ALK: variants seen among roughly 807,000 people sequenced by gnomAD.
The protein encoded by ALK is ALK tyrosine kinase receptor.
ALK carries 74 observed loss-of-function variants against 163.1 expected under a neutral mutation model. That is an observed-to-expected ratio of 0.45 (90% CI 0.38 to 0.55). ALK has a LOEUF of 0.55. ALK is among the 20% of genes least tolerant of loss of function. The pLI, the probability that ALK is intolerant of heterozygous loss-of-function variation, is 0.00. For synonymous variants in ALK, 960 were observed against 843.2 expected (o/e 1.14, Z -2.40); for missense variants, 2,063 against 2,105.3 (o/e 0.98, Z 0.39).
Position 29,414,922 on chromosome 2 carries a change from G to T in ALK, c.1155-31063C>A, listed in dbSNP as rs1402594604. 2.0e-5 allele frequency among the ~76,000 whole-genome samples: 3 copies of T among 151,692 alleles called. No homozygotes were observed. In the East Asian group the frequency reaches 5.8e-4, roughly 29 times the overall value. The stretch of plus-strand genomic sequence containing the variant: ...TAAGGAAGCCTGCACAAGAAGGGAG[G>T]TTTATCAAATCTTCTAGTCATTCCA... On this transcript the variant is annotated intron_variant, in intron 4 of 28. Coordinates refer to ENST00000389048, the MANE Select transcript of ALK (RefSeq NM_004304.5).
intron 1 of ALK, among the ~76,000 whole-genome samples, chr2:29,829,000 T>A (rs565118728): frequency 1.0e-3 from 157 of 151,130 alleles, no homozygotes; most frequent in Non-Finnish European, 1.6e-4. Context: ...AAATGATGAG[T>A]TCATGTCCTT....
chr2:29,693,844 C>T (rs900275745), intron 3 of ALK, among the ~76,000 whole-genome samples: 3 of 152,302 alleles, frequency 2.0e-5, no homozygotes, highest in South Asian at 2.1e-4. Context: ...CCCAGACCCA[C>T]ATGTACATTC....
At chr2:29,440,767 C>T (rs1356461170) in intron 4 of ALK, among the ~76,000 whole-genome samples, 30 of 152,218 alleles carry the variant, frequency 2.0e-4, no homozygotes, top group Admixed American at 2.0e-3. Flanking sequence ...TATTAAAGCA[C>T]CACTCTTTGA....
chr2:29,528,993 C>G (rs2148155725), intron 4 of ALK, among the ~76,000 whole-genome samples: 1 of 152,332 alleles, frequency 6.6e-6, no homozygotes, highest in East Asian at 1.9e-4. Context: ...AACGTGGCCA[C>G]TCATGCTCTG....
At chr2:29,508,583 T>C (rs1439623806) in intron 4 of ALK, among the ~76,000 whole-genome samples, 1 of 151,706 alleles carries the variant, frequency 6.6e-6, no homozygotes, top group Non-Finnish European at 1.5e-5. Context: ...CATTAGGAGA[T>C]ATACCTAATG....
chr2:29,381,828 A>G (rs1668904304), intron 5 of ALK, among the ~76,000 whole-genome samples: 1 of 152,180 alleles, frequency 6.6e-6, no homozygotes, highest in Non-Finnish European at 1.5e-5. Context: ...ATATGAGTGT[A>G]ATTTTAGGAT....
rs140086173 is a variant in ALK at position 29,864,369 on chromosome 2, C to A, written c.667+55624G>T. Among the ~76,000 whole-genome samples the A allele has an allele frequency of 2.0e-5, 3 of 152,332 alleles. No homozygotes were observed. The East Asian group carries it at 5.8e-4, about 29-fold the overall frequency. On this transcript the variant is annotated intron_variant, in intron 1 of 28. Coordinates refer to ENST00000389048, the MANE Select transcript of ALK (RefSeq NM_004304.5). ...CTTCCTCCTCTCTTTTGAGTCTTGG[C>A]AGAGCAGTACTCCTGGCCTTCCTAA...
At chr2:29,643,668 C>T (rs944176328) in intron 3 of ALK, among the ~76,000 whole-genome samples, 1 of 152,100 alleles carries the variant, frequency 6.6e-6, no homozygotes, top group Non-Finnish European at 1.5e-5. Flanking sequence ...GACCCTCTTT[C>T]CTGAGCTGGC....
Position 29,701,519 on chromosome 2 carries a change from G to A in ALK, c.788-6505C>T, listed in dbSNP as rs79431375. Reference sequence around the variant, plus strand: ...AAAGGAAGAGTCATAAAAAAGAGAAGAATGCCATGCCCATCAATTCCATAA... The same window carrying A: ...AAAGGAAGAGTCATAAAAAAGAGAAAAATGCCATGCCCATCAATTCCATAA... On this transcript the variant is annotated intron_variant, in intron 2 of 28. Coordinates refer to ENST00000389048, the MANE Select transcript of ALK (RefSeq NM_004304.5). Among the ~76,000 whole-genome samples the A allele has an allele frequency of 1.0e-3, 155 of 152,258 alleles. 3 individuals carry two copies. The East Asian group carries it at 0.027, about 27-fold the overall frequency.
intron 3 of ALK, among the ~76,000 whole-genome samples, chr2:29,556,642 C>G (rs1441024802): frequency 6.6e-6 from 1 of 152,136 alleles, no homozygotes; most frequent in Non-Finnish European, 1.5e-5. Flanking sequence ...TATCAAGAAG[C>G]CTTAGGGTTT....
At chr2:29,413,370 G>A (rs1669779005) in intron 4 of ALK, among the ~76,000 whole-genome samples, 1 of 150,216 alleles carries the variant, frequency 6.7e-6, no homozygotes. Context: ...TTTTTGAGAT[G>A]GAGCCTCACT....
chr2:29,903,040 GA>G (rs1248652386), intron 1 of ALK, among the ~76,000 whole-genome samples: 1 of 152,164 alleles, frequency 6.6e-6, no homozygotes, highest in African/African-American at 2.4e-5. Flanking sequence ...ACTAACTGAT[GA>G]TGGTGTCAAG....
chr2:29,890,932 TGAA>T lies in ALK; in HGVS notation c.667+29058_667+29060del, dbSNP rs1399133482. 9.8e-5 allele frequency: 15 copies of T among 152,338 alleles called. No homozygotes were observed. In the East Asian group the frequency reaches 2.9e-3, roughly 29 times the overall value. 9.4% of individuals were successfully genotyped at this position (152,338 alleles called of 1,614,324 possible). On this transcript the variant is annotated intron_variant, in intron 1 of 28. Transcript: ENST00000389048. ...GAACTGAATAGAATGGAAATTTCAG[TGAA>T]GAAGACCTAAGTTTGAATCTCACAC...
intron 5 of ALK, among the ~76,000 whole-genome samples, chr2:29,355,062 G>A (rs750049117): frequency 1.3e-5 from 2 of 152,076 alleles, no homozygotes; most frequent in Non-Finnish European, 1.5e-5. Flanking sequence ...CACTACGCCC[G>A]GCCAGCCCAC....
chr2:29,628,596 G>A (rs906574795), intron 3 of ALK, among the ~76,000 whole-genome samples: 11 of 152,326 alleles, frequency 7.2e-5, no homozygotes, highest in African/African-American at 2.4e-4. Flanking sequence ...GTGTTATAAA[G>A]AGATGGTGTA....
intron 1 of ALK, among the ~76,000 whole-genome samples, chr2:29,870,001 T>C (rs1666536847): frequency 1.3e-5 from 2 of 152,224 alleles, no homozygotes; most frequent in Non-Finnish European, 2.9e-5. Flanking sequence ...ATGATCTTCA[T>C]CTATGATAGC....
At chr2:29,801,394 A>T (rs116296601) in intron 1 of ALK, among the ~76,000 whole-genome samples, 27 of 152,292 alleles carry the variant, frequency 1.8e-4, no homozygotes, top group Non-Finnish European at 3.2e-4. Flanking sequence ...CAACGAGAAA[A>T]AAACAGATGA....
chr2:29,757,593 T>TGTG (rs1680573557), intron 1 of ALK, among the ~76,000 whole-genome samples: 1 of 148,232 alleles, frequency 6.7e-6, no homozygotes, highest in Admixed American at 6.7e-5. Context: ...TTTTGTTTGT[T>TGTG]TGTGTGTGTG....
rs572256428 is a variant in ALK at position 29,825,222 on chromosome 2, C to T, written c.667+94771G>A. On this transcript the variant is annotated intron_variant, in intron 1 of 28. Transcript: ENST00000389048. ...TTCTTTGTTTTGTAAATTGCCCAGTCTCAGGTATGTCTTTATCAGCAGCAT... is the reference window on the plus strand; with the variant it reads ...TTCTTTGTTTTGTAAATTGCCCAGTTTCAGGTATGTCTTTATCAGCAGCAT... Among the ~76,000 whole-genome samples, 96 of 152,324 alleles carry T rather than the reference C, an allele frequency of 6.3e-4. 1 individual carries two copies. Among genetic ancestry groups the T allele is most frequent in the African/African-American group, 2.2e-3 (91 of 41,576 alleles).
Sources: gnomAD v4.1 joint callset for allele counts (sites outside exome capture counted in the v4.1 genomes callset) on GRCh38, gnomAD v4.1.1 for gene constraint, MANE v1.5 for transcripts, NCBI Gene and HGNC (gene_info 2026-07-23, HGNC 2026-07-21) for gene names.